LRGUK: variants seen among roughly 807,000 people sequenced by gnomAD.
LRGUK encodes leucine rich repeats and guanylate kinase domain containing.
Under a neutral mutation model 76.0 loss-of-function variants are expected in LRGUK, and 65 were observed. That is an observed-to-expected ratio of 0.85 (90% CI 0.70 to 1.05). LRGUK has a LOEUF of 1.05. Among genes scored for constraint, LRGUK ranks in the 50% least tolerant of loss-of-function variants. The pLI is 0.00. For synonymous variants in LRGUK, 268 were observed against 265.6 expected, an observed-to-expected ratio of 1.01 and a Z score of -0.09; for missense variants, 758 against 732.8, an observed-to-expected ratio of 1.03 and a Z score of -0.40.
At chr7:134,202,824 GAGA>G (rs1412408256) in intron 15 of LRGUK, among the ~76,000 whole-genome samples, 1 of 152,180 alleles carries the variant, frequency 6.6e-6, no homozygotes, top group Non-Finnish European at 1.5e-5. Flanking sequence ...GTGTCAGTTT[GAGA>G]AGATGAAAAG....
intron 7 of LRGUK, among the ~76,000 whole-genome samples, chr7:134,172,767 A>C (rs949424810): frequency 1.3e-5 from 2 of 152,132 alleles, no homozygotes; most frequent in African/African-American, 4.8e-5. Flanking sequence ...GGATTGCTTG[A>C]GCCCAGGAGT....
At chr7:134,188,468 G>C (rs1447050389) in intron 11 of LRGUK, among the ~76,000 whole-genome samples, 3 of 152,124 alleles carry the variant, frequency 2.0e-5, no homozygotes. Flanking sequence ...AGGGCTTAGG[G>C]AAGGAAGTCT....
chr7:134,135,530 C>T (rs368067148), intron 1 of LRGUK, among the ~76,000 whole-genome samples: 2 of 152,314 alleles, frequency 1.3e-5, no homozygotes, highest in African/African-American at 4.8e-5. Context: ...TGAACTTCTT[C>T]AAAGGTGATA....
In LRGUK at chr7:134,127,554, C is replaced by T. The variant is rs568121273; in HGVS notation, c.187C>T (p.Gln63Ter). 1 of 1,614,224 alleles carries T rather than the reference C, an allele frequency of 6.2e-7. No individual in the cohort carries two copies. The highest frequency in any genetic ancestry group is 1.1e-5 in the South Asian group (1 of 91,078). Reference sequence around the variant, plus strand: ...TAACATAGCCTCCTCCTACCTGCTCCAGCAGCTCATGCACCGCTATCAGGA... The same window carrying T: ...TAACATAGCCTCCTCCTACCTGCTCTAGCAGCTCATGCACCGCTATCAGGA... Residue 63 changes from glutamine to a stop codon, truncating the protein, a stop_gained, in exon 1 of 16, where the codon CAG becomes TAG. Coordinates refer to ENST00000645682, the Ensembl canonical transcript of LRGUK. LOFTEE classifies it high-confidence loss of function.
At chr7:134,193,114 C>A (rs1800328412) in intron 12 of LRGUK, among the ~76,000 whole-genome samples, 1 of 152,170 alleles carries the variant, frequency 6.6e-6, no homozygotes, top group Admixed American at 6.5e-5. Context: ...TGGAGATATA[C>A]AAGTGAGAAA....
intron 6 of LRGUK, among the ~76,000 whole-genome samples, chr7:134,161,688 C>CTT (rs57550981): frequency 0.01 from 1,087 of 105,428 alleles, 34 homozygotes; most frequent in African/African-American, 0.037. Flanking sequence ...TATTGTTATT[C>CTT]TTTTTTTTTT....
chr7:134,221,355 G>A (rs1010202298), intron 15 of LRGUK, among the ~76,000 whole-genome samples: 1 of 152,160 alleles, frequency 6.6e-6, no homozygotes, highest in Non-Finnish European at 1.5e-5. Flanking sequence ...AATAAATTCT[G>A]TGAAACAGTG....
intron 16 of LRGUK, among the ~76,000 whole-genome samples, chr7:134,225,470 T>A (rs994184865): frequency 2.6e-5 from 4 of 152,166 alleles, no homozygotes; most frequent in African/African-American, 7.2e-5. Flanking sequence ...CATTTACTGA[T>A]CCCTGATGGT....
At chr7:134,132,596 G>A (rs2116800273) in intron 1 of LRGUK, among the ~76,000 whole-genome samples, 1 of 152,236 alleles carries the variant, frequency 6.6e-6, no homozygotes, top group African/African-American at 2.4e-5. Context: ...GGTTATTAAA[G>A]GAAACTCTAG....
the LRGUK span, among the ~76,000 whole-genome samples, chr7:134,270,344 G>A: frequency 3.8e-3 from 578 of 152,184 alleles, 29 homozygotes; most frequent in East Asian, 0.1. Context: ...TTTAGATGCA[G>A]ATCTTTTAAA....
chr7:134,185,272 T>A (rs1045567058), intron 11 of LRGUK, among the ~76,000 whole-genome samples: 1 of 152,050 alleles, frequency 6.6e-6, no homozygotes, highest in African/African-American at 2.4e-5. Flanking sequence ...TTAAAGAGTT[T>A]TTTAGAGGCT....
At chr7:134,164,654 G>C (rs1244709473) in intron 7 of LRGUK, among the ~76,000 whole-genome samples, 2 of 152,172 alleles carry the variant, frequency 1.3e-5, no homozygotes, top group Non-Finnish European at 2.9e-5. Context: ...GGCTGAGCCT[G>C]AAAGGGACAG....
chr7:134,197,094 A>G (rs749468681), exon 13 of LRGUK: 1 of 1,594,706 alleles, frequency 6.3e-7, no homozygotes, highest in East Asian at 2.2e-5. Flanking sequence ...CTGTATTCAT[A>G]TGGAAATAGA....
At chr7:134,237,050 CTTTTTTTTTTT>C (rs10555261) in intron 16 of LRGUK, among the ~76,000 whole-genome samples, 1 of 75,176 alleles carries the variant, frequency 1.3e-5, no homozygotes, top group South Asian at 5.9e-4. Context: ...TTTTCTCTTT[CTTTTTTTTTTT>C]TTTTTTTTTT....
At chr7:134,193,748 C>T (rs1447807841) in intron 12 of LRGUK, among the ~76,000 whole-genome samples, 1 of 152,142 alleles carries the variant, frequency 6.6e-6, no homozygotes, top group Non-Finnish European at 1.5e-5. Flanking sequence ...CTTTGCCAAT[C>T]ACCCACAGAC....
chr7:134,211,242 A>G (rs1394140558), downstream of LRGUK, among the ~76,000 whole-genome samples: 1 of 152,202 alleles, frequency 6.6e-6, no homozygotes, highest in Non-Finnish European at 1.5e-5. Context: ...CTGCCACCAA[A>G]TTGAGCCATT....
intron 2 of LRGUK, among the ~76,000 whole-genome samples, chr7:134,137,380 T>C (rs1274807611): frequency 6.6e-6 from 1 of 152,232 alleles, no homozygotes; most frequent in Non-Finnish European, 1.5e-5. Flanking sequence ...TTAAGTAGTC[T>C]ATATTATAGT....
chr7:134,178,567 A>C, exon 10 of LRGUK: 1 of 1,613,456 alleles, frequency 6.2e-7, no homozygotes. Context: ...CACCTGACCC[A>C]TGTTGTCAAC....
intron 8 of LRGUK, among the ~76,000 whole-genome samples, chr7:134,175,771 C>G (rs542451039): frequency 1.3e-5 from 2 of 152,218 alleles, no homozygotes; most frequent in African/African-American, 4.8e-5. Flanking sequence ...TCTTTCCCCT[C>G]AAAGAGGCAT....
Sources: allele counts gnomAD v4.1 joint callset (sites outside exome capture counted in the v4.1 genomes callset), GRCh38; gene constraint gnomAD v4.1.1; transcripts MANE v1.5; gene names NCBI Gene and HGNC (gene_info 2026-07-23, HGNC 2026-07-21).